Variants in MEGF6 observed in about 807,000 individuals in gnomAD.
MEGF6 encodes the protein multiple EGF like domains 6.
Under a neutral mutation model 207.1 loss-of-function variants are expected in MEGF6, and 184 were observed. The ratio of observed to expected loss-of-function variants is 0.89; its 90% confidence interval spans 0.79 to 1.00. MEGF6 has a LOEUF of 1.00. MEGF6 is among the 50% of genes least tolerant of loss of function. The probability of loss-of-function intolerance (pLI) is 0.00; values close to 1 mark genes in which losing one functional copy is unlikely to be tolerated. For missense variants in MEGF6, 2,282 were observed against 2,202.9 expected (o/e 1.04, Z -0.72); for synonymous variants, 1,038 against 910.0 (o/e 1.14, Z -2.53).
Position 3,602,600 on chromosome 1 carries a change from C to A in MEGF6, c.132G>T (p.Met44Ile), listed in dbSNP as rs774810865. 14 of 1,606,114 alleles carry A rather than the reference C, an allele frequency of 8.7e-6. No homozygotes were observed. The highest frequency in any genetic ancestry group is 1.2e-5 in the Non-Finnish European group (14 of 1,175,456). Residue 44 changes from methionine to isoleucine, a missense_variant and splice_region_variant, in exon 2 of 37, where the codon ATG becomes ATT. Physicochemically the swap from Met to Ile is conservative, Grantham distance 10. Transcript: ENST00000356575. Reference protein sequence around the residue: ...PRPLLPLQPGMPHVCAEQELT... With the variant: ...PRPLLPLQPGIPHVCAEQELT... ...GCTCCTGCTCAGCACACACGTGGGG[C>A]CTGGAACAGAGACACGGAGAGTCAG...
intron 25 of MEGF6, 46 bp from the exon 26 acceptor site, chr1:3,498,545 G>C: frequency 1.3e-6 from 2 of 1,518,724 alleles, no homozygotes; most frequent in Non-Finnish European, 8.9e-7. Flanking sequence ...CTGCCTCCTG[G>C]GCCCAGGAGA....
At chr1:3,547,610 G>T (rs1642755845) in intron 4 of MEGF6, among the ~76,000 whole-genome samples, 1 of 152,108 alleles carries the variant, frequency 6.6e-6, no homozygotes. Context: ...ACAGCCCCAG[G>T]CCCCATCCTC....
At chr1:3,608,524 G>C (rs925958541) in intron 1 of MEGF6, among the ~76,000 whole-genome samples, 2 of 151,886 alleles carry the variant, frequency 1.3e-5, no homozygotes, top group Non-Finnish European at 2.9e-5. Flanking sequence ...TGCAGGGCCC[G>C]ACCCGCCCTG....
chr1:3,514,601 A>C lies in MEGF6; in HGVS notation c.802T>G (p.Cys268Gly). Residue 268 changes from cysteine to glycine, a missense_variant, in exon 7 of 37, where the codon TGT becomes GGT. By Grantham distance (159) the Cys-to-Gly change is radical. Coordinates refer to ENST00000356575, the MANE Select transcript of MEGF6 (RefSeq NM_001409.4). Reference protein sequence around the residue: ...RCQVVRGLARCECHVGYQLAA... With the variant: ...RCQVVRGLARGECHVGYQLAA... ...AGCTGATAGCCCACGTGGCACTCAC[A>C]GCGGGCGAGGCCCCGGACCACCTGG... The C allele has an allele frequency of 6.3e-7, 1 of 1,581,562 alleles. No individual in the cohort carries two copies. The highest frequency in any genetic ancestry group is 8.6e-7 in the Non-Finnish European group (1 of 1,166,124).
Position 3,509,905 on chromosome 1 carries a change from C to A in MEGF6, c.1322G>T (p.Gly441Val). Residue 441 changes from glycine (G) to valine (V), a missense_variant, in exon 11 of 37, where the codon GGC (glycine) becomes GTC (valine). Gly to Val is a moderately radical substitution (Grantham distance 109, BLOSUM62 -3). Transcript: ENST00000356575. ...CCTACGGTCCTCGTGCAGCCGGTAG[C>A]CGGCCTCGCAGGAGCACTGGAAGGA... ...AGSFQCSCEA[G>V]YRLHEDRRGC... 1 of 1,561,988 alleles carries A rather than the reference C, an allele frequency of 6.4e-7. No homozygotes were observed. The highest frequency in any genetic ancestry group is 8.6e-7 in the Non-Finnish European group (1 of 1,156,130).
rs1467924263 is a variant in MEGF6, at chr1:3,594,009, T to C, written c.376+1329A>G. Among the ~76,000 whole-genome samples, 1 of 152,190 alleles carries C rather than the reference T, an allele frequency of 6.6e-6. No individual in the cohort carries two copies. Among genetic ancestry groups the C allele is most frequent in the East Asian group, 1.9e-4 (1 of 5,190 alleles). The stretch of plus-strand genomic sequence containing the variant: ...GCAACTTCAGCCCCGGTTTGCAGCC[T>C]GCATGCTTCCTGTGTGAGAAGAGCC... On this transcript the variant is annotated intron_variant, in intron 3 of 36. Coordinates refer to ENST00000356575, the MANE Select transcript of MEGF6 (RefSeq NM_001409.4). This position sits in a 1 kb window ranked among gnomAD's most constrained non-coding sequence, Gnocchi z 4.2.
chr1:3,553,299 G>A lies in MEGF6; in HGVS notation c.481+26526C>T, dbSNP rs184602905. Reference sequence around the variant, plus strand: ...CACCCCAGGGTACTCCGGGTACCCTGTGAGCCTGGCGCCTCCAGCAGGACC... The same window carrying A: ...CACCCCAGGGTACTCCGGGTACCCTATGAGCCTGGCGCCTCCAGCAGGACC... On this transcript the variant is annotated intron_variant, in intron 4 of 36. Coordinates refer to ENST00000356575, the MANE Select transcript of MEGF6 (RefSeq NM_001409.4). Among the ~76,000 whole-genome samples, 723 of 152,142 alleles carry A rather than the reference G, an allele frequency of 4.8e-3. 8 individuals carry two copies. Among genetic ancestry groups the A allele is most frequent in the African/African-American group, 0.017 (703 of 41,498 alleles).
At chr1:3,508,535 C>T in intron 13 of MEGF6, 23 bp downstream of exon 13, 1 of 1,606,790 alleles carries the variant, frequency 6.2e-7, no homozygotes, top group Non-Finnish European at 8.5e-7. Flanking sequence ...TCCCAGCCCC[C>T]AGCCCCTGCC....
At chr1:3,508,452 A>G in intron 13 of MEGF6, 106 bp downstream of exon 13, 1 of 1,350,994 alleles carries the variant, frequency 7.4e-7, no homozygotes, top group Non-Finnish European at 1.0e-6. Context: ...CCCCCTGCCC[A>G]GGGCCAGCAG....
In MEGF6 at chr1:3,556,416, T is replaced by C. The variant is rs1557774137; in HGVS notation, c.481+23409A>G. ...AAAACCGCCGGCTGGCTGAACCAAA[T>C]TGGCCCGGGACCTCCTCACGGAGCC... On this transcript the variant is annotated intron_variant, in intron 4 of 36. Coordinates refer to ENST00000356575, the MANE Select transcript of MEGF6 (RefSeq NM_001409.4). This position sits in a 1 kb window ranked among gnomAD's most constrained non-coding sequence, Gnocchi z 4.4. 6.6e-6 allele frequency among the ~76,000 whole-genome samples: 1 copy of C among 152,168 alleles called. No homozygotes were observed. The highest frequency in any genetic ancestry group is 1.5e-5 in the Non-Finnish European group (1 of 68,028).
intron 2 of MEGF6, among the ~76,000 whole-genome samples, chr1:3,599,103 C>T (rs1370205732): frequency 2.6e-5 from 4 of 152,224 alleles, no homozygotes; most frequent in African/African-American, 7.2e-5. Flanking sequence ...GAGGGGCTGA[C>T]GCCTGCTGCC....
the MEGF6 span, among the ~76,000 whole-genome samples, chr1:3,616,813 C>T: frequency 3.3e-5 from 5 of 152,202 alleles, no homozygotes; most frequent in African/African-American, 4.8e-5. Flanking sequence ...ACGGGAATCC[C>T]GGAGCAGATG....
At chr1:3,571,147 C>G (rs1396924577) in intron 4 of MEGF6, among the ~76,000 whole-genome samples, 1 of 152,098 alleles carries the variant, frequency 6.6e-6, no homozygotes, top group Non-Finnish European at 1.5e-5. Flanking sequence ...GGCCATCCCA[C>G]AAGGAGGGGA....
intron 4 of MEGF6, among the ~76,000 whole-genome samples, chr1:3,545,520 G>C (rs935056787): frequency 6.6e-6 from 1 of 152,184 alleles, no homozygotes; most frequent in Admixed American, 6.5e-5. Flanking sequence ...GGACAAGGGT[G>C]GGGGCCCTGC....
At position 3,512,120 on chromosome 1, in the gene MEGF6, C is replaced by T. The variant is rs755636118; in HGVS notation, c.862G>A (p.Glu288Lys). 13 of 1,606,410 alleles carry T rather than the reference C, an allele frequency of 8.1e-6. No individual in the cohort carries two copies. Among genetic ancestry groups the T allele is most frequent in the Admixed American group, 5.0e-5 (3 of 59,680 alleles). ...ADGKACEDVDECAAGLAQCAH... is the reference protein window; with the variant it reads ...ADGKACEDVDKCAAGLAQCAH... ...CACTGGGCCAGCCCTGCGGCACATT[C>T]GTCCACATCTGGAGGGGAGAGACCA... The change falls in exon 8 of 37, where the codon GAA (glutamate) becomes AAA (lysine). Residue 288 changes from glutamate to lysine, a missense_variant. Transcript: ENST00000356575.
At chr1:3,558,160 G>A (rs1643090561) in intron 4 of MEGF6, among the ~76,000 whole-genome samples, 1 of 152,150 alleles carries the variant, frequency 6.6e-6, no homozygotes, top group Non-Finnish European at 1.5e-5. Context: ...CTGGTCCAAT[G>A]TCACCGAGGT....
Position 3,567,665 on chromosome 1 carries a change from G to A in MEGF6, c.481+12160C>T, listed in dbSNP as rs545415021. On this transcript the variant is annotated intron_variant, in intron 4 of 36. Coordinates refer to ENST00000356575, the MANE Select transcript of MEGF6 (RefSeq NM_001409.4). ...CTTGGCCATCACACCGTGGGCCCTC[G>A]GTCCCTAGGAGCACCTGCGACCCAG... Among the ~76,000 whole-genome samples, 191 of 152,290 alleles carry A rather than the reference G, an allele frequency of 1.3e-3. 1 individual carries two copies. Among genetic ancestry groups the A allele is most frequent in the African/African-American group, 4.2e-3 (176 of 41,558 alleles).
chr1:3,491,604 A>G (rs1640367686), intron 35 of MEGF6, among the ~76,000 whole-genome samples: 2 of 152,080 alleles, frequency 1.3e-5, no homozygotes. Context: ...CTCCAAGCGG[A>G]GGACCCCAAG....
chr1:3,514,527 G>A (rs778628920), intron 7 of MEGF6, 23 bp downstream of exon 7: 25 of 1,577,200 alleles, frequency 1.6e-5, no homozygotes, highest in East Asian at 6.9e-5. Context: ...TGGGCGGGGC[G>A]GAGCAGGGGA....
Sources: allele counts gnomAD v4.1 joint callset (sites outside exome capture counted in the v4.1 genomes callset), GRCh38; gene constraint gnomAD v4.1.1; non-coding constraint Gnocchi (gnomAD v3.1); transcripts MANE v1.5; gene names NCBI Gene and HGNC (gene_info 2026-07-23, HGNC 2026-07-21).